Variants in NRXN1 observed in about 807,000 individuals in gnomAD.
NRXN1 encodes neurexin-1.
NRXN1 carries 39 observed loss-of-function variants against 150.9 expected under a neutral mutation model. That is an observed-to-expected ratio of 0.26 (90% confidence interval 0.20 to 0.34). The LOEUF (loss-of-function observed/expected upper bound fraction) is 0.34, where lower values mean the gene tolerates loss of function less well. NRXN1 is among the 10% of genes least tolerant of loss of function. The pLI is 1.00. For missense variants in NRXN1, 1,815 were observed against 1,949.9 expected (o/e 0.93, Z 1.30); for synonymous variants, 924 against 757.0 (o/e 1.22, Z -3.62).
At chr2:50,164,989 T>C (rs1032701255) in intron 18 of NRXN1, among the ~76,000 whole-genome samples, 3 of 152,018 alleles carry the variant, frequency 2.0e-5, no homozygotes, top group African/African-American at 4.8e-5. Flanking sequence ...GAGAGAGGTG[T>C]CTACTCCTCA....
At chr2:50,922,994 C>T (rs1490851526) in intron 3 of NRXN1, among the ~76,000 whole-genome samples, 1 of 151,824 alleles carries the variant, frequency 6.6e-6, no homozygotes, top group Non-Finnish European at 1.5e-5. Context: ...ATTACATCTG[C>T]CCTCTGTGCC....
chr2:50,761,600 T>C (rs1701811191), intron 5 of NRXN1, among the ~76,000 whole-genome samples: 1 of 151,874 alleles, frequency 6.6e-6, no homozygotes, highest in Admixed American at 6.6e-5. Flanking sequence ...AACAGACTAA[T>C]CAATTTTTTG....
intron 5 of NRXN1, among the ~76,000 whole-genome samples, chr2:50,670,954 G>A (rs1688756582): frequency 6.6e-6 from 1 of 151,790 alleles, no homozygotes; most frequent in African/African-American, 2.4e-5. Context: ...AAGTTACTAT[G>A]TATCACTTTA....
chr2:50,584,446 C>A (rs1258665128), intron 8 of NRXN1, among the ~76,000 whole-genome samples: 2 of 152,114 alleles, frequency 1.3e-5, no homozygotes, highest in African/African-American at 4.8e-5. Flanking sequence ...AAACTGTGGT[C>A]ATTGAAAAAG....
chr2:50,981,853 G>C (rs1433498556), intron 2 of NRXN1, among the ~76,000 whole-genome samples: 1 of 151,754 alleles, frequency 6.6e-6, no homozygotes, highest in Non-Finnish European at 1.5e-5. Flanking sequence ...ATGTGTGTGT[G>C]TGTGTGTGTG....
At chr2:50,091,281 T>C (rs199563440) in intron 19 of NRXN1, 42 bp downstream of exon 19, 11 of 1,610,852 alleles carry the variant, frequency 6.8e-6, no homozygotes, top group East Asian at 4.5e-5. Context: ...TTCCAGTTTG[T>C]TTTTCATAAA....
At chr2:50,100,502 G>T (rs2152709449) in intron 18 of NRXN1, among the ~76,000 whole-genome samples, 1 of 152,094 alleles carries the variant, frequency 6.6e-6, no homozygotes, top group African/African-American at 2.4e-5. Flanking sequence ...CTTGATATCG[G>T]TATTTTAAGA....
intron 5 of NRXN1, among the ~76,000 whole-genome samples, chr2:50,658,436 G>GTGTGTGTGTGTGTGTGTGTGTT (rs1307624911): frequency 6.6e-6 from 1 of 151,774 alleles, no homozygotes; most frequent in African/African-American, 2.4e-5. Flanking sequence ...GTGTGTGTGT[G>GTGTGTGTGTGTGTGTGTGTGTT]TGTTTGAGGC....
At chr2:51,017,333 CTT>C (rs879853887) in intron 2 of NRXN1, among the ~76,000 whole-genome samples, 2 of 141,874 alleles carry the variant, frequency 1.4e-5, no homozygotes, top group Admixed American at 7.1e-5. Flanking sequence ...TTCTGGGATT[CTT>C]TTTTTTTTTT....
At chr2:50,920,894 T>C (rs1310186690) in intron 5 of NRXN1, among the ~76,000 whole-genome samples, 1 of 151,698 alleles carries the variant, frequency 6.6e-6, no homozygotes, top group African/African-American at 2.4e-5. Flanking sequence ...ATTTCTTACA[T>C]ATTGCCTGGC....
chr2:50,594,641 T>C (rs1296976180), intron 8 of NRXN1, among the ~76,000 whole-genome samples: 3 of 152,182 alleles, frequency 2.0e-5, no homozygotes, highest in Non-Finnish European at 4.4e-5. Context: ...CTAAGGCCCA[T>C]AGAAATAGTA....
intron 5 of NRXN1, among the ~76,000 whole-genome samples, chr2:50,683,115 A>T (rs2104813106): frequency 6.6e-6 from 1 of 152,200 alleles, no homozygotes; most frequent in Non-Finnish European, 1.5e-5. Flanking sequence ...TCTATCCTGC[A>T]ATCCTAACTT....
At chr2:50,044,336 G>A (rs1691473414) in intron 21 of NRXN1, among the ~76,000 whole-genome samples, 1 of 152,132 alleles carries the variant, frequency 6.6e-6, no homozygotes, top group Non-Finnish European at 1.5e-5. Flanking sequence ...GTCCTAGAAG[G>A]GAGCTAAGGG....
At chr2:50,126,455 C>T (rs1175997986) in intron 18 of NRXN1, among the ~76,000 whole-genome samples, 2 of 151,486 alleles carry the variant, frequency 1.3e-5, no homozygotes, top group Non-Finnish European at 2.9e-5. Context: ...ATTGGTACTG[C>T]TAATATAACT....
chr2:50,118,118 C>T (rs1703327059), intron 18 of NRXN1, among the ~76,000 whole-genome samples: 1 of 152,114 alleles, frequency 6.6e-6, no homozygotes, highest in Non-Finnish European at 1.5e-5. Flanking sequence ...AAGATCTTAA[C>T]GTTGTACTTA....
At chr2:50,952,125 C>G (rs996673221) in intron 2 of NRXN1, among the ~76,000 whole-genome samples, 2 of 150,934 alleles carry the variant, frequency 1.3e-5, no homozygotes, top group African/African-American at 4.9e-5. Context: ...TGCCACTACG[C>G]CCAGCTAATT....
intron 5 of NRXN1, among the ~76,000 whole-genome samples, chr2:50,745,351 T>C (rs951823183): frequency 5.6e-5 from 8 of 142,666 alleles, no homozygotes; most frequent in African/African-American, 2.1e-4. Flanking sequence ...TCTAGAGGTA[T>C]TACTGCTAAT....
chr2:50,057,772 G>C (rs1400049045), intron 19 of NRXN1, among the ~76,000 whole-genome samples: 1 of 152,156 alleles, frequency 6.6e-6, no homozygotes, highest in Admixed American at 6.6e-5. Context: ...GCAAATACTA[G>C]TGTCCAGAGA....
chr2:50,218,030 C>T (rs1447667674), intron 18 of NRXN1, among the ~76,000 whole-genome samples: 1 of 152,060 alleles, frequency 6.6e-6, no homozygotes, highest in African/African-American at 2.4e-5. Context: ...CTCTCCCATA[C>T]ATACCTGAAC....
Sources: gnomAD v4.1 joint callset for allele counts (sites outside exome capture counted in the v4.1 genomes callset) on GRCh38, gnomAD v4.1.1 for gene constraint, MANE v1.5 for transcripts, NCBI Gene and HGNC (gene_info 2026-07-23, HGNC 2026-07-21) for gene names.